The following FLAD1 variants were observed in gnomAD, a reference collection of about 807,000 sequenced individuals.
FLAD1 encodes bifunctional FAD diphosphatase/FAD synthase.
Under a neutral mutation model 55.0 loss-of-function variants are expected in FLAD1, and 35 were observed. That is an observed-to-expected ratio of 0.64 (90% CI 0.49 to 0.84). FLAD1 has a LOEUF of 0.84. FLAD1 is among the 40% of genes least tolerant of loss of function. The probability of loss-of-function intolerance (pLI) is 0.00; values close to 1 mark genes in which losing one functional copy is unlikely to be tolerated. For synonymous variants in FLAD1, 267 were observed against 303.0 expected, an observed-to-expected ratio of 0.88 and a Z score of 1.23; for missense variants, 665 against 742.6, an observed-to-expected ratio of 0.90 and a Z score of 1.21.
At position 154,988,824 on chromosome 1, in the gene FLAD1, G is replaced by C. The variant is rs1247342780; in HGVS notation, c.1092G>C (p.Glu364Asp). 1 of 1,614,212 alleles carries C rather than the reference G, an allele frequency of 6.2e-7. No individual in the cohort carries two copies. The highest frequency in any genetic ancestry group is 8.5e-7 in the Non-Finnish European group (1 of 1,180,032). Residue 364 changes from glutamate to aspartate, a missense_variant, in exon 2 of 7, where the codon GAG becomes GAC. By Grantham distance (45) the Glu-to-Asp change is conservative. Transcript: ENST00000292180. ...CCAACGCTGTGGAGCAGGCCAGTGA[G>C]GCTGTATACAAACTCGCTGAATCAG... The part of the protein sequence containing the change: ...YMPNAVEQAS[E>D]AVYKLAESGS...
chr1:154,985,274 G>C (rs1367238784), intron 1 of FLAD1, among the ~76,000 whole-genome samples: 5 of 148,816 alleles, frequency 3.4e-5, no homozygotes, highest in African/African-American at 1.3e-4. Flanking sequence ...CTGTTGCCCA[G>C]GCTGGAGTGC....
At position 154,984,044 on chromosome 1, in the gene FLAD1, T is replaced by C. The variant is rs751960963; in HGVS notation, c.350T>C (p.Ile117Thr). 1.1e-5 allele frequency: 17 copies of C among 1,512,272 alleles called. No homozygotes were observed. The highest frequency in any genetic ancestry group is 1.5e-5 in the Non-Finnish European group (17 of 1,130,360). The allele number at this position is 1,512,272 out of a possible 1,614,324, so 93.7% of individuals were successfully genotyped here. ...PGRSVTAGIIIVGDEILKGHT... is the reference protein window; with the variant it reads ...PGRSVTAGIITVGDEILKGHT... ...CGCAGCGTGACGGCTGGCATCATCA[T>C]TGTTGGAGATGAGATCCTTAAGGTG... Residue 117 changes from isoleucine (I) to threonine (T), a missense_variant, in exon 1 of 7, where the codon ATT becomes ACT. Coordinates refer to ENST00000292180, the MANE Select transcript of FLAD1 (RefSeq NM_025207.5).
chr1:154,989,146 G>C (rs1657753865), intron 2 of FLAD1: 1 of 649,596 alleles, frequency 1.5e-6, no homozygotes, highest in African/African-American at 1.8e-5. Context: ...GATGAAAGGA[G>C]TGATCTCCCA....
chr1:154,987,177 GCCA>G (rs1222627908), intron 1 of FLAD1, among the ~76,000 whole-genome samples: 1 of 151,984 alleles, frequency 6.6e-6, no homozygotes, highest in East Asian at 1.9e-4. Flanking sequence ...ACAGGCATGC[GCCA>G]CCACGCCCCG....
Position 154,988,556 on chromosome 1 carries a change from C to T in FLAD1, c.824C>T (p.Pro275Leu), listed in dbSNP as rs1465043785. ...LEGMKGLFQNPAVQFHSKELY... is the reference protein window; with the variant it reads ...LEGMKGLFQNLAVQFHSKELY... Reference sequence around the variant, plus strand: ...GGGATGAAGGGACTATTCCAAAACCCAGCTGTTCAGTTCCACTCAAAGGAG... The same window carrying T: ...GGGATGAAGGGACTATTCCAAAACCTAGCTGTTCAGTTCCACTCAAAGGAG... The change falls in exon 2 of 7, where the codon CCA (proline) becomes CTA (leucine). Residue 275 changes from proline (P) to leucine (L), a missense_variant. Coordinates refer to ENST00000292180, the MANE Select transcript of FLAD1 (RefSeq NM_025207.5). 12 of 1,614,116 alleles carry T rather than the reference C, an allele frequency of 7.4e-6. No homozygotes were observed. Among genetic ancestry groups the T allele is most frequent in the African/African-American group, 1.3e-5 (1 of 74,942 alleles).
chr1:154,985,249 TTAGA>T (rs1657529259), intron 1 of FLAD1, among the ~76,000 whole-genome samples: 7 of 150,260 alleles, frequency 4.7e-5, no homozygotes, highest in Admixed American at 4.0e-4. Context: ...TTTTTTTTTT[TTAGA>T]TAGTCTCACT....
intron 1 of FLAD1, among the ~76,000 whole-genome samples, chr1:154,984,398 G>A (rs1453213284): frequency 6.6e-6 from 1 of 152,098 alleles, no homozygotes; most frequent in East Asian, 1.9e-4. Flanking sequence ...AGTAGAGGAG[G>A]TACAGGTGTG....
chr1:154,992,175 T>G (rs991579938), intron 5 of FLAD1, among the ~76,000 whole-genome samples: 1 of 136,274 alleles, frequency 7.3e-6, no homozygotes, highest in Non-Finnish European at 1.5e-5. Flanking sequence ...CCGGGCATGG[T>G]GGCACACGCC....
At chr1:154,992,632 G>C (rs1471327258) in intron 5 of FLAD1, 81 bp from the exon 6 acceptor site, 1 of 1,614,140 alleles carries the variant, frequency 6.2e-7, no homozygotes, top group Admixed American at 1.7e-5. Flanking sequence ...AAGAGCCATG[G>C]ATGGGCCCCT....
intron 1 of FLAD1, among the ~76,000 whole-genome samples, chr1:154,985,716 ATTTTTTTTTT>A (rs34387427): frequency 4.2e-4 from 32 of 75,490 alleles, no homozygotes; most frequent in African/African-American, 1.6e-3. Context: ...CCTGACCCCA[ATTTTTTTTTT>A]TTTTTTTTTT....
chr1:154,988,016 G>A, intron 1 of FLAD1, 89 bp from the exon 2 acceptor site: 2 of 1,605,830 alleles, frequency 1.2e-6, no homozygotes, highest in African/African-American at 1.3e-5. Context: ...GCAGAGCACT[G>A]CATCATCAGG....
intron 1 of FLAD1, 37 bp from the exon 2 acceptor site, chr1:154,988,068 C>T (rs760898739): frequency 1.9e-6 from 3 of 1,614,100 alleles, no homozygotes; most frequent in South Asian, 2.2e-5. Context: ...TTCATCCCTA[C>T]AGTACTGATG....
At chr1:154,984,773 T>C (rs1657492670) in intron 1 of FLAD1, among the ~76,000 whole-genome samples, 3 of 149,224 alleles carry the variant, frequency 2.0e-5, no homozygotes, top group South Asian at 2.1e-4. Context: ...GTACTCAGCG[T>C]AGTGGATAAG....
chr1:154,989,431 A>G, intron 2 of FLAD1, 129 bp from the exon 3 acceptor site: 1 of 963,328 alleles, frequency 1.0e-6, no homozygotes, highest in Non-Finnish European at 1.5e-6. Flanking sequence ...GGCAGCATGA[A>G]GGAGTTTGGA....
At chr1:154,984,224 T>C (rs1215614829) in intron 1 of FLAD1, among the ~76,000 whole-genome samples, 158 bp downstream of exon 1, 1 of 152,036 alleles carries the variant, frequency 6.6e-6, no homozygotes, top group Non-Finnish European at 1.5e-5. Flanking sequence ...AAATTAACCC[T>C]CATTCTTTCA....
chr1:154,992,630 T>C, intron 5 of FLAD1, 83 bp from the exon 6 acceptor site: 1 of 1,614,024 alleles, frequency 6.2e-7, no homozygotes, highest in Non-Finnish European at 8.5e-7. Flanking sequence ...AGAAGAGCCA[T>C]GGATGGGCCC....
chr1:154,991,623 A>G (rs1269910147), intron 5 of FLAD1, among the ~76,000 whole-genome samples: 1 of 152,118 alleles, frequency 6.6e-6, no homozygotes, highest in Non-Finnish European at 1.5e-5. Context: ...CATATTAGAC[A>G]GTAGAGATAC....
Position 154,989,684 on chromosome 1 carries a change from C to T in FLAD1, c.1242C>T (p.His414=), listed in dbSNP as rs547663677. The change falls in exon 3 of 7, where the codon CAC becomes CAT. Residue 414 remains histidine, a synonymous_variant. Transcript: ENST00000292180. ...GCAAAGACTGCACTGCCCTCCTGCA[C>T]CTCTTCCATGCAGCTGTGCAGAGGT... is the stretch of plus-strand genomic sequence containing the variant. ...NGGKDCTALL[H]LFHAAVQRKL... 5.7e-6 allele frequency: 9 copies of T among 1,567,240 alleles called. No individual in the cohort carries two copies. The South Asian group carries it at 7.1e-5, about 12-fold the overall frequency.
Position 154,983,967 on chromosome 1 carries a change from G to A in FLAD1, c.273G>A (p.Arg91=). The A allele has an allele frequency of 1.9e-6, 3 of 1,568,080 alleles. No homozygotes were observed. Among genetic ancestry groups the A allele is most frequent in the Non-Finnish European group, 2.6e-6 (3 of 1,157,398 alleles). The change falls in exon 1 of 7, where the codon AGG becomes AGA. Residue 91 remains arginine (R), a synonymous_variant. Coordinates refer to ENST00000292180, the MANE Select transcript of FLAD1 (RefSeq NM_025207.5). ...GTGGCTACTGGAGGGCCTTGCAGAGGGGCAGAGAAGGCAGGACCATGACAT... is the reference window on the plus strand; with the variant it reads ...GTGGCTACTGGAGGGCCTTGCAGAGAGGCAGAGAAGGCAGGACCATGACAT... ...GLGGYWRALQ[R]GREGRTMTSR... is the part of the protein sequence containing the mutation.
Sources: allele counts gnomAD v4.1 joint callset (sites outside exome capture counted in the v4.1 genomes callset), GRCh38; gene constraint gnomAD v4.1.1; transcripts MANE v1.5; gene names NCBI Gene and HGNC (gene_info 2026-07-23, HGNC 2026-07-21).